The following WWOX variants were observed in gnomAD, a reference collection of about 807,000 sequenced individuals.
The protein encoded by WWOX is WW domain-containing oxidoreductase.
Under a neutral mutation model 46.2 loss-of-function variants are expected in WWOX, and 69 were observed. The ratio of observed to expected loss-of-function variants is 1.49; its 90% CI spans 1.23 to 1.82. The LOEUF (loss-of-function observed/expected upper bound fraction) is 1.82. Ranked by LOEUF, WWOX falls within the 40% of genes most tolerant of loss-of-function variation. The pLI, the probability that WWOX is intolerant of heterozygous loss-of-function variation, is 0.00. For synonymous variants in WWOX, 359 were observed against 202.6 expected (o/e 1.77, Z -6.56); for missense variants, 919 against 542.6 (o/e 1.69, Z -6.89).
At chr16:79,114,410 AC>A (rs2049473222) in intron 8 of WWOX, among the ~76,000 whole-genome samples, 1 of 151,442 alleles carries the variant, frequency 6.6e-6, no homozygotes. Context: ...GTATGCACAT[AC>A]CTACATGCAT....
chr16:78,706,027 C>G (rs991670163), intron 8 of WWOX, among the ~76,000 whole-genome samples: 3 of 142,130 alleles, frequency 2.1e-5, no homozygotes, highest in Non-Finnish European at 4.5e-5. Flanking sequence ...TCTAATGACA[C>G]ATACTTTGTC....
At chr16:78,158,896 C>T (rs889723569) in intron 4 of WWOX, among the ~76,000 whole-genome samples, 6 of 151,838 alleles carry the variant, frequency 4.0e-5, no homozygotes, top group Non-Finnish European at 7.4e-5. Context: ...TCTGGCGTAC[C>T]TGAAACTTCA....
At chr16:79,208,876 G>C (rs932040958) in intron 8 of WWOX, among the ~76,000 whole-genome samples, 1 of 152,156 alleles carries the variant, frequency 6.6e-6, no homozygotes, top group Admixed American at 6.5e-5. Flanking sequence ...GGTGTGTATG[G>C]GACCAACAAG....
intron 5 of WWOX, among the ~76,000 whole-genome samples, chr16:78,213,040 G>T (rs952494012): frequency 2.6e-5 from 4 of 151,866 alleles, no homozygotes; most frequent in African/African-American, 9.7e-5. Context: ...ATCACTTTAG[G>T]TCAGAAGTTC....
At chr16:79,103,190 C>T (rs979630456) in intron 8 of WWOX, among the ~76,000 whole-genome samples, 1 of 152,170 alleles carries the variant, frequency 6.6e-6, no homozygotes, top group African/African-American at 2.4e-5. Flanking sequence ...TAGCCATTAG[C>T]CAAGGCCTTG....
chr16:78,569,603 A>G (rs59213570), intron 8 of WWOX, among the ~76,000 whole-genome samples: 298 of 152,346 alleles, frequency 2.0e-3, no homozygotes, highest in African/African-American at 6.7e-3. Flanking sequence ...TTGAAAAAGA[A>G]TCGCTGTACT....
chr16:78,398,955 G>A (rs1291335688), intron 6 of WWOX, among the ~76,000 whole-genome samples: 2 of 152,164 alleles, frequency 1.3e-5, no homozygotes, highest in Non-Finnish European at 2.9e-5. Context: ...ATGGGTGGCT[G>A]GCTGGCTAGG....
chr16:78,117,391 C>T (rs549596677), intron 4 of WWOX, among the ~76,000 whole-genome samples: 1 of 152,202 alleles, frequency 6.6e-6, no homozygotes, highest in African/African-American at 2.4e-5. Context: ...CATTCCCCTC[C>T]ACTCTTGGGA....
intron 8 of WWOX, among the ~76,000 whole-genome samples, chr16:78,980,861 T>C (rs2151333308): frequency 6.6e-6 from 1 of 152,300 alleles, no homozygotes; most frequent in South Asian, 2.1e-4. Flanking sequence ...GGTTCTGTAA[T>C]CCTGTAGGAC....
chr16:79,151,978 G>C (rs144022553), intron 8 of WWOX, among the ~76,000 whole-genome samples: 21 of 152,324 alleles, frequency 1.4e-4, no homozygotes, highest in Non-Finnish European at 2.9e-4. Flanking sequence ...CAACAGAAAG[G>C]TCTCTGTTAC....
intron 8 of WWOX, among the ~76,000 whole-genome samples, chr16:78,851,243 A>C (rs2052435851): frequency 1.3e-5 from 2 of 152,194 alleles, no homozygotes; most frequent in Admixed American, 1.3e-4. Context: ...AATTCACAGA[A>C]ACTGATGTGT....
At chr16:78,467,118 C>T (rs1262038374) in intron 8 of WWOX, among the ~76,000 whole-genome samples, 1 of 152,142 alleles carries the variant, frequency 6.6e-6, no homozygotes, top group Admixed American at 6.6e-5. Context: ...GCATTATAGT[C>T]TTTGATCTTG....
chr16:79,174,446 T>C (rs8056120), intron 8 of WWOX, among the ~76,000 whole-genome samples: 76,953 of 152,012 alleles, frequency 0.51, 20,259 homozygotes, highest in East Asian at 0.88. Flanking sequence ...GTCAGGAGTT[T>C]GAGATTAGCT....
intron 8 of WWOX, among the ~76,000 whole-genome samples, chr16:79,092,651 C>T (rs867229626): frequency 1.3e-5 from 2 of 152,092 alleles, no homozygotes; most frequent in East Asian, 1.9e-4. Flanking sequence ...AAGTCGTTGG[C>T]GAGGAGTGAA....
chr16:78,258,571 A>G (rs1036884172), intron 5 of WWOX, among the ~76,000 whole-genome samples: 1 of 152,208 alleles, frequency 6.6e-6, no homozygotes, highest in Non-Finnish European at 1.5e-5. Flanking sequence ...AGTTCCATGG[A>G]ATTCCTAGGA....
intron 8 of WWOX, among the ~76,000 whole-genome samples, chr16:79,201,791 A>G (rs1326573449): frequency 9.9e-6 from 1 of 101,366 alleles, no homozygotes; most frequent in Non-Finnish European, 2.4e-5. Context: ...AAACAAAAAG[A>G]TAACTAAATT....
chr16:78,755,790 G>T (rs1348874769), intron 8 of WWOX, among the ~76,000 whole-genome samples: 2 of 152,130 alleles, frequency 1.3e-5, no homozygotes, highest in East Asian at 3.9e-4. Context: ...AAACATACCT[G>T]GTTCCACTCT....
At chr16:78,330,123 C>G (rs1259913379) in intron 5 of WWOX, among the ~76,000 whole-genome samples, 1 of 152,040 alleles carries the variant, frequency 6.6e-6, no homozygotes, top group Non-Finnish European at 1.5e-5. Flanking sequence ...TTTAAAATAC[C>G]TAAATGCCTA....
chr16:78,587,705 G>C (rs1293418690), intron 8 of WWOX, among the ~76,000 whole-genome samples: 1 of 152,140 alleles, frequency 6.6e-6, no homozygotes, highest in African/African-American at 2.4e-5. Flanking sequence ...TTGATGGCTT[G>C]ACTGTGGCCT....
Sources: allele counts gnomAD v4.1 joint callset (sites outside exome capture counted in the v4.1 genomes callset), GRCh38; gene constraint gnomAD v4.1.1; transcripts MANE v1.5; gene names NCBI Gene and HGNC (gene_info 2026-07-23, HGNC 2026-07-21).